The following PCDH17 variants were observed in gnomAD, a reference collection of about 807,000 sequenced individuals.
The protein encoded by PCDH17 is protocadherin-17.
Under a neutral mutation model 67.7 loss-of-function variants are expected in PCDH17, and 21 were observed. The ratio of observed to expected loss-of-function variants is 0.31; its 90% CI spans 0.22 to 0.45. The LOEUF is 0.45. Among genes scored for constraint, PCDH17 ranks in the 20% least tolerant of loss-of-function variants. PCDH17 has a pLI of 1.00. For missense variants in PCDH17, 1,471 were observed against 1,564.8 expected (o/e 0.94, Z 1.01); for synonymous variants, 701 against 656.7 (o/e 1.07, Z -1.03).
intron 3 of PCDH17, among the ~76,000 whole-genome samples, chr13:57,698,096 T>G (rs967554591): frequency 3.3e-5 from 5 of 151,612 alleles, no homozygotes; most frequent in African/African-American, 1.2e-4. Flanking sequence ...ACAAAAACAT[T>G]TAATCAAGTA....
chr13:57,633,890 C>T lies in PCDH17; in HGVS notation c.1344C>T (p.Gly448=). 8.7e-6 allele frequency: 14 copies of T among 1,613,166 alleles called. No individual in the cohort carries two copies. The highest frequency in any genetic ancestry group is 1.1e-5 in the Non-Finnish European group (13 of 1,180,028). Residue 448 remains glycine (G), a synonymous_variant, in exon 1 of 4, where the codon GGC becomes GGT. Transcript: ENST00000377918. This position sits in a 1 kb window ranked among gnomAD's most constrained non-coding sequence, Gnocchi z 6.2. ...YNVTIVARDG[G]SPPLNSTKSF... is the part of the protein sequence containing the mutation. ...TGACCATCGTGGCGCGGGACGGGGG[C>T]TCTCCTCCCCTCAACTCCACCAAGT...
In PCDH17 at chr13:57,724,718, T is replaced by C. The variant is rs1566249892; in HGVS notation, c.2904T>C (p.Asp968=). Residue 968 remains aspartate, a synonymous_variant, in exon 4 of 4, where the codon GAT becomes GAC. Coordinates refer to ENST00000377918, the MANE Select transcript of PCDH17 (RefSeq NM_001040429.3). Reference sequence around the variant, plus strand: ...CAGCCAATCAGGCTGAAAATGCAGATTACCGCACAAATCTCTTTGTACCTA... The same window carrying C: ...CAGCCAATCAGGCTGAAAATGCAGACTACCGCACAAATCTCTTTGTACCTA... The part of the protein sequence containing the change: ...FPAANQAENA[D]YRTNLFVPTV... The C allele has an allele frequency of 6.2e-7, 1 of 1,614,092 alleles. No homozygotes were observed. Among genetic ancestry groups the C allele is most frequent in the Non-Finnish European group, 8.5e-7 (1 of 1,179,992 alleles).
At position 57,722,778 on chromosome 13, in the gene PCDH17, A is replaced by T. The variant is rs545818009; in HGVS notation, c.2798-1834A>T. 1.1e-4 allele frequency among the ~76,000 whole-genome samples: 16 copies of T among 151,886 alleles called. 1 individual carries two copies. The East Asian group carries it at 2.9e-3, about 28-fold the overall frequency. ...GCACCACCTCACCTGGCTAATTTAA[A>T]TTTTTTATTTTTGTAGAGGGGTGTC... On this transcript the variant is annotated intron_variant, in intron 3 of 3. Coordinates refer to ENST00000377918, the MANE Select transcript of PCDH17 (RefSeq NM_001040429.3).
intron 1 of PCDH17, among the ~76,000 whole-genome samples, chr13:57,652,687 T>A (rs1955057105): frequency 6.6e-6 from 1 of 152,212 alleles, no homozygotes; most frequent in South Asian, 2.1e-4. Context: ...ATTCCATTTA[T>A]ACTTCTTTTC....
intron 1 of PCDH17, among the ~76,000 whole-genome samples, chr13:57,641,432 A>C (rs1954891456): frequency 6.7e-6 from 1 of 150,294 alleles, no homozygotes; most frequent in African/African-American, 2.4e-5. Context: ...AAGAAAAAAA[A>C]CACGCAAAAA....
intron 1 of PCDH17, among the ~76,000 whole-genome samples, chr13:57,649,834 G>A (rs1178931905): frequency 2.0e-5 from 3 of 152,124 alleles, no homozygotes; most frequent in Admixed American, 6.5e-5. Flanking sequence ...ACTAGGGGAA[G>A]AGTTTCATAC....
chr13:57,678,271 C>T (rs925815850), intron 3 of PCDH17, among the ~76,000 whole-genome samples: 1 of 150,998 alleles, frequency 6.6e-6, no homozygotes, highest in Non-Finnish European at 1.5e-5. Context: ...TTCAAGAAAA[C>T]GTAGCAAGTA....
intron 1 of PCDH17, among the ~76,000 whole-genome samples, chr13:57,642,718 A>C (rs1029548226): frequency 1.5e-4 from 23 of 151,662 alleles, no homozygotes; most frequent in African/African-American, 5.1e-4. Flanking sequence ...ATTCAGAAAA[A>C]AACTCAAATT....
chr13:57,664,906 C>G (rs1293958763), intron 1 of PCDH17, among the ~76,000 whole-genome samples: 3 of 152,140 alleles, frequency 2.0e-5, no homozygotes, highest in Non-Finnish European at 2.9e-5. Context: ...TCCTTAAAAA[C>G]TGATATTTTG....
At chr13:57,696,887 TG>T (rs1181197899) in intron 3 of PCDH17, among the ~76,000 whole-genome samples, 1 of 151,642 alleles carries the variant, frequency 6.6e-6, no homozygotes, top group East Asian at 1.9e-4. Flanking sequence ...AGGTTGGCAG[TG>T]CTTTCATCTA....
At chr13:57,652,149 G>A (rs1168840676) in intron 1 of PCDH17, among the ~76,000 whole-genome samples, 1 of 151,662 alleles carries the variant, frequency 6.6e-6, no homozygotes, top group Non-Finnish European at 1.5e-5. Context: ...GCGGTGGCGG[G>A]CGCCTGTAGT....
chr13:57,633,777 C>G lies in PCDH17; in HGVS notation c.1231C>G (p.Pro411Ala). The change falls in exon 1 of 4, where the codon CCC (proline) becomes GCC (alanine). Residue 411 changes from proline (P) to alanine (A), a missense_variant. Around this residue, in one of 3 missense-constraint regions of PCDH17, gnomAD observed 1,163 missense variants for 1,230.0 expected, o/e 0.95. Coordinates refer to ENST00000377918, the MANE Select transcript of PCDH17 (RefSeq NM_001040429.3). The surrounding 1 kb of genome is among the most constrained non-coding windows in gnomAD (Gnocchi z 6.2). ...GGLGGPGGSV[P>A]FKLEENYDNF... ...CCTGGGCGGGCCCGGGGGTTCCGTCCCCTTCAAGCTTGAGGAGAACTACGA... is the reference window on the plus strand; with the variant it reads ...CCTGGGCGGGCCCGGGGGTTCCGTCGCCTTCAAGCTTGAGGAGAACTACGA... 1 of 1,600,984 alleles carries G rather than the reference C, an allele frequency of 6.2e-7. No homozygotes were observed. Among genetic ancestry groups the G allele is most frequent in the Non-Finnish European group, 8.5e-7 (1 of 1,177,018 alleles).
At chr13:57,714,683 G>A (rs1955803170) in intron 3 of PCDH17, among the ~76,000 whole-genome samples, 1 of 151,702 alleles carries the variant, frequency 6.6e-6, no homozygotes, top group Admixed American at 6.6e-5. Flanking sequence ...GTTTCTCACT[G>A]CATATAAATC....
chr13:57,692,305 C>T (rs550586827), intron 3 of PCDH17, among the ~76,000 whole-genome samples: 29 of 151,290 alleles, frequency 1.9e-4, no homozygotes, highest in East Asian at 9.7e-4. Context: ...TTGAATGTTA[C>T]GTTAACTAAC....
At chr13:57,631,360 G>A (rs541214578), upstream of PCDH17, among the ~76,000 whole-genome samples, 43 of 152,256 alleles carry the variant, frequency 2.8e-4, no homozygotes, top group African/African-American at 1.0e-3. Context: ...AGGACTGGGA[G>A]GGAGGCTCCC....
At chr13:57,705,561 G>T (rs1955713635) in intron 3 of PCDH17, among the ~76,000 whole-genome samples, 1 of 151,970 alleles carries the variant, frequency 6.6e-6, no homozygotes. Context: ...CACATTTTGT[G>T]CACATGTATT....
intron 3 of PCDH17, among the ~76,000 whole-genome samples, chr13:57,723,531 C>T (rs760187636): frequency 6.6e-6 from 1 of 152,094 alleles, no homozygotes; most frequent in Non-Finnish European, 1.5e-5. Context: ...AATGGCAAAT[C>T]CCAAGGGCGC....
rs774754106 is a variant in PCDH17 at position 57,633,412 on chromosome 13, G to C, written c.866G>C (p.Arg289Pro). The change falls in exon 1 of 4, where the codon CGC (arginine) becomes CCC (proline). Residue 289 changes from arginine to proline, a missense_variant. By Grantham distance (103) the Arg-to-Pro change is moderately radical. Around this residue, in one of 3 missense-constraint regions of PCDH17, gnomAD observed 1,163 missense variants for 1,230.0 expected, o/e 0.95. Transcript: ENST00000377918. The surrounding 1 kb of genome is among the most constrained non-coding windows in gnomAD (Gnocchi z 6.2). ...TCTTTCAGCAGCTACGTGCCTGACC[G>C]CGTGCGGGAGCTCTTCTCCATCGAC... ...LYSFSSYVPD[R>P]VRELFSIDPK... The C allele has an allele frequency of 6.2e-7, 1 of 1,613,388 alleles. No homozygotes were observed. Among genetic ancestry groups the C allele is most frequent in the East Asian group, 2.2e-5 (1 of 44,840 alleles).
intron 3 of PCDH17, among the ~76,000 whole-genome samples, chr13:57,697,110 A>G (rs1001035082): frequency 6.6e-6 from 1 of 151,606 alleles, no homozygotes; most frequent in Non-Finnish European, 1.5e-5. Flanking sequence ...CCATTGGGGC[A>G]CCTGCTTCAG....
Sources: allele counts gnomAD v4.1 joint callset (sites outside exome capture counted in the v4.1 genomes callset), GRCh38; gene constraint gnomAD v4.1.1; regional missense constraint gnomAD v4.1.1; non-coding constraint Gnocchi (gnomAD v3.1); transcripts MANE v1.5; gene names NCBI Gene and HGNC (gene_info 2026-07-23, HGNC 2026-07-21).